The following SRBD1 variants were observed in gnomAD, a reference collection of about 807,000 sequenced individuals.
SRBD1 encodes S1 RNA-binding domain-containing protein 1.
A neutral mutation model predicts 115.3 loss-of-function variants in SRBD1; 88 were observed. The ratio of observed to expected loss-of-function variants is 0.76; its 90% CI spans 0.64 to 0.91. The LOEUF is 0.91. Ranked by LOEUF, SRBD1 falls within the 40% of genes least tolerant of loss-of-function variation. The pLI, the probability that SRBD1 is intolerant of heterozygous loss-of-function variation, is 0.00. For synonymous variants in SRBD1, 509 were observed against 407.7 expected (o/e 1.25, Z -2.99); for missense variants, 1,385 against 1,177.4 (o/e 1.18, Z -2.58).
intron 14 of SRBD1, among the ~76,000 whole-genome samples, chr2:45,511,258 G>A (rs3770278): frequency 0.81 from 123,052 of 152,256 alleles, 50,507 homozygotes; most frequent in African/African-American, 0.93. Flanking sequence ...CCAAAGCTGC[G>A]TATCTTCGGA....
chr2:45,605,875 G>A (rs1460893342), intron 1 of SRBD1, among the ~76,000 whole-genome samples: 7 of 147,018 alleles, frequency 4.8e-5, no homozygotes, highest in Non-Finnish European at 1.0e-4. Flanking sequence ...TTGCACTCCA[G>A]CCTGGGCAAC....
chr2:45,579,913 T>G lies in SRBD1; in HGVS notation c.1034A>C (p.Glu345Ala). The change falls in exon 7 of 21, where the codon GAG becomes GCG. Residue 345 changes from glutamate (E) to alanine (A), a missense_variant. Transcript: ENST00000263736. Reference sequence around the variant, plus strand: ...CCTAATGTACGATAGCAGACTGAGCTCCCCTGGTTTCTCAAGCAGTGCCCT... The same window carrying G: ...CCTAATGTACGATAGCAGACTGAGCGCCCCTGGTTTCTCAAGCAGTGCCCT... ...AARALLEKPG[E>A]LSLLSYIRPD... The G allele has an allele frequency of 2.5e-6, 4 of 1,609,330 alleles. No homozygotes were observed. The highest frequency in any genetic ancestry group is 3.4e-6 in the Non-Finnish European group (4 of 1,177,934).
At chr2:45,466,721 T>C (rs990724922) in intron 16 of SRBD1, among the ~76,000 whole-genome samples, 2 of 152,246 alleles carry the variant, frequency 1.3e-5, no homozygotes, top group Admixed American at 1.3e-4. Flanking sequence ...ATACTGATTT[T>C]TGCTTCTTCA....
chr2:45,538,373 C>G (rs973066729), intron 14 of SRBD1, among the ~76,000 whole-genome samples: 2 of 152,092 alleles, frequency 1.3e-5, no homozygotes, highest in African/African-American at 4.8e-5. Flanking sequence ...GAAAATTCAG[C>G]TAGTGAGTTA....
intron 18 of SRBD1, among the ~76,000 whole-genome samples, chr2:45,413,901 C>T (rs1667681255): frequency 6.6e-6 from 1 of 151,724 alleles, no homozygotes; most frequent in Admixed American, 6.6e-5. Flanking sequence ...CACTGCACTC[C>T]AGTTTGGGCA....
intron 19 of SRBD1, among the ~76,000 whole-genome samples, chr2:45,395,593 C>A (rs1219860794): frequency 3.9e-5 from 6 of 152,196 alleles, no homozygotes; most frequent in African/African-American, 1.2e-4. Flanking sequence ...GCTAATGCTT[C>A]ATATTGATCA....
intron 14 of SRBD1, among the ~76,000 whole-genome samples, chr2:45,508,656 G>C (rs1008641377): frequency 6.6e-6 from 1 of 151,964 alleles, no homozygotes; most frequent in African/African-American, 2.4e-5. Context: ...AAAAACAAAA[G>C]TATGTTAGAA....
At chr2:45,391,116 A>G (rs544609337) in intron 20 of SRBD1, among the ~76,000 whole-genome samples, 36 of 152,242 alleles carry the variant, frequency 2.4e-4, no homozygotes, top group African/African-American at 8.2e-4. Context: ...CAGATTCCCT[A>G]AGGGTTCCTG....
chr2:45,433,142 C>T (rs1668389980), intron 16 of SRBD1, among the ~76,000 whole-genome samples: 1 of 152,116 alleles, frequency 6.6e-6, no homozygotes, highest in Non-Finnish European at 1.5e-5. Context: ...ATGTCTCTTC[C>T]TGCCCCTTAG....
chr2:45,601,868 C>T (rs1674102415), intron 3 of SRBD1, 35 bp downstream of exon 3: 1 of 1,608,822 alleles, frequency 6.2e-7, no homozygotes, highest in South Asian at 1.1e-5. Context: ...CAGGAAGACA[C>T]TACAGAGTTC....
chr2:45,597,439 TG>T (rs1197879650), intron 4 of SRBD1, among the ~76,000 whole-genome samples: 1 of 149,304 alleles, frequency 6.7e-6, no homozygotes, highest in Non-Finnish European at 1.5e-5. Flanking sequence ...AAAAAAAATG[TG>T]GAACTGCAAT....
intron 19 of SRBD1, among the ~76,000 whole-genome samples, chr2:45,409,562 G>C (rs144511680): frequency 6.7e-6 from 1 of 148,648 alleles, no homozygotes; most frequent in African/African-American, 2.5e-5. Flanking sequence ...GAAGCATGAA[G>C]ATTAAAATGG....
chr2:45,407,817 G>A (rs1261002882), intron 19 of SRBD1, among the ~76,000 whole-genome samples: 1 of 151,888 alleles, frequency 6.6e-6, no homozygotes, highest in African/African-American at 2.4e-5. Flanking sequence ...AAAAATGCCA[G>A]TCCATATAAC....
intron 4 of SRBD1, among the ~76,000 whole-genome samples, chr2:45,586,025 G>C (rs2104199732): frequency 6.6e-6 from 1 of 152,174 alleles, no homozygotes; most frequent in African/African-American, 2.4e-5. Context: ...TGTTCAATGA[G>C]GGCACTTTTT....
intron 1 of SRBD1, among the ~76,000 whole-genome samples, chr2:45,608,739 C>G (rs1674349901): frequency 6.6e-6 from 1 of 152,040 alleles, no homozygotes; most frequent in South Asian, 2.1e-4. Flanking sequence ...ATTTCTTGCT[C>G]TAAAACCTGT....
At chr2:45,406,038 C>T (rs1558556792) in intron 19 of SRBD1, among the ~76,000 whole-genome samples, 2 of 152,110 alleles carry the variant, frequency 1.3e-5, no homozygotes. Context: ...ATTAAAGATA[C>T]AAGAGACAGT....
intron 4 of SRBD1, among the ~76,000 whole-genome samples, chr2:45,597,753 T>C (rs1318644686): frequency 1.3e-5 from 2 of 152,250 alleles, no homozygotes; most frequent in African/African-American, 4.8e-5. Flanking sequence ...AACTCTTTTC[T>C]ACTTAAGCTC....
chr2:45,476,420 A>T (rs1025361834), intron 16 of SRBD1, among the ~76,000 whole-genome samples: 1 of 152,222 alleles, frequency 6.6e-6, no homozygotes, highest in Non-Finnish European at 1.5e-5. Flanking sequence ...ACAAGGAGGA[A>T]AACAATGTGA....
chr2:45,446,564 A>C (rs1353180864), intron 16 of SRBD1, among the ~76,000 whole-genome samples: 1 of 152,176 alleles, frequency 6.6e-6, no homozygotes, highest in Admixed American at 6.5e-5. Flanking sequence ...TAACAGTCCA[A>C]TATTGAATAA....
Sources: allele counts gnomAD v4.1 joint callset (sites outside exome capture counted in the v4.1 genomes callset), GRCh38; gene constraint gnomAD v4.1.1; transcripts MANE v1.5; gene names NCBI Gene and HGNC (gene_info 2026-07-23, HGNC 2026-07-21).